The following LRRCC1 variants were observed in gnomAD, a reference collection of about 807,000 sequenced individuals.
The protein encoded by LRRCC1 is leucine rich repeat and coiled-coil centrosomal protein 1.
In LRRCC1, 115 loss-of-function variants were observed where a neutral mutation model predicts 126.0. The observed-to-expected ratio is 0.91, with a 90% CI of 0.78 to 1.07. The LOEUF (loss-of-function observed/expected upper bound fraction) is 1.07. Ranked by LOEUF, LRRCC1 falls within the 50% of genes least tolerant of loss-of-function variation. The probability of loss-of-function intolerance (pLI) is 0.00; values close to 1 mark genes in which losing one functional copy is unlikely to be tolerated. For missense variants in LRRCC1, 1,172 were observed against 1,175.7 expected, an observed-to-expected ratio of 1.00 and a Z score of 0.05; for synonymous variants, 400 against 393.4, an observed-to-expected ratio of 1.02 and a Z score of -0.20.
At chr8:85,139,973 A>AC (rs1811152103) in intron 17 of LRRCC1, among the ~76,000 whole-genome samples, 1 of 152,220 alleles carries the variant, frequency 6.6e-6, no homozygotes, top group African/African-American at 2.4e-5. Flanking sequence ...TCAACCAAGT[A>AC]CTAATACAAG....
At chr8:85,132,359 C>T (rs1283666640) in intron 12 of LRRCC1, among the ~76,000 whole-genome samples, 2 of 149,224 alleles carry the variant, frequency 1.3e-5, no homozygotes, top group Admixed American at 6.7e-5. Flanking sequence ...ATTACAAAAG[C>T]ACAGTTGAGT....
At chr8:85,132,363 G>A (rs1359735960) in intron 12 of LRRCC1, among the ~76,000 whole-genome samples, 1 of 142,440 alleles carries the variant, frequency 7.0e-6, no homozygotes, top group African/African-American at 2.6e-5. Context: ...CAAAAGCACA[G>A]TTGAGTACTT....
chr8:85,118,366 GTA>G (rs1809275490), intron 6 of LRRCC1, among the ~76,000 whole-genome samples: 1 of 151,984 alleles, frequency 6.6e-6, no homozygotes, highest in Non-Finnish European at 1.5e-5. Flanking sequence ...TTGTAAACAT[GTA>G]TCTTTGTTTC....
At chr8:85,144,937 G>A (rs1190215416) in intron 18 of LRRCC1, among the ~76,000 whole-genome samples, 4 of 149,914 alleles carry the variant, frequency 2.7e-5, no homozygotes, top group Non-Finnish European at 4.4e-5. Flanking sequence ...AAAGTTAGCC[G>A]GGCATGGTAG....
Position 85,145,934 on chromosome 8 carries a change from T to C in LRRCC1, c.*423T>C, listed in dbSNP as rs1456971102. 1 of 152,496 alleles carries C rather than the reference T, an allele frequency of 6.6e-6. No individual in the cohort carries two copies. The highest frequency in any genetic ancestry group is 1.5e-5 in the Non-Finnish European group (1 of 68,234). The allele number at this position is 152,496 out of a possible 1,614,324, so 9.4% of individuals were successfully genotyped here. ...GCTCAATTCTTTTAAAGTACTTATG[T>C]AGCCAAAAAGCATTTGAAATCTGTA... On this transcript the variant is annotated 3_prime_UTR_variant, in exon 19 of 19. Coordinates refer to ENST00000360375, the MANE Select transcript of LRRCC1 (RefSeq NM_033402.5).
At chr8:85,121,207 G>A (rs767442431) in intron 6 of LRRCC1, among the ~76,000 whole-genome samples, 1 of 152,144 alleles carries the variant, frequency 6.6e-6, no homozygotes, top group Non-Finnish European at 1.5e-5. Context: ...AATGGGTCTT[G>A]TGGACAGAAG....
At chr8:85,128,107 T>C (rs1587412134) in intron 9 of LRRCC1, among the ~76,000 whole-genome samples, 1 of 151,836 alleles carries the variant, frequency 6.6e-6, no homozygotes, top group African/African-American at 2.4e-5. Context: ...GTTGTAGGAG[T>C]TGTTTTTAAT....
chr8:85,107,533 G>C (rs1298454444), intron 1 of LRRCC1, 134 bp downstream of exon 1: 4 of 737,196 alleles, frequency 5.4e-6, no homozygotes, highest in East Asian at 5.6e-5. Context: ...TCTGGCTTTC[G>C]GCCTCCCCGC....
At chr8:85,138,898 T>C (rs1811058636) in intron 17 of LRRCC1, among the ~76,000 whole-genome samples, 1 of 151,808 alleles carries the variant, frequency 6.6e-6, no homozygotes, top group African/African-American at 2.4e-5. Flanking sequence ...TAGAAAAAAT[T>C]AGCCAGGCGT....
chr8:85,144,472 A>T (rs1251317784), intron 18 of LRRCC1, among the ~76,000 whole-genome samples: 3,588 of 29,674 alleles, frequency 0.12, 80 homozygotes, highest in African/African-American at 0.21. Context: ...ATATATATAT[A>T]TATTTTTTTT....
At chr8:85,136,991 A>G (rs988726908) in intron 14 of LRRCC1, among the ~76,000 whole-genome samples, 18 of 151,452 alleles carry the variant, frequency 1.2e-4, no homozygotes, top group African/African-American at 3.9e-4. Context: ...TGCCCGGCTA[A>G]TTTTTTTGTA....
At chr8:85,116,163 T>C (rs548169369) in intron 6 of LRRCC1, among the ~76,000 whole-genome samples, 1 of 152,328 alleles carries the variant, frequency 6.6e-6, no homozygotes, top group East Asian at 1.9e-4. Context: ...TAGAATTTAC[T>C]GCTATTCAGG....
At chr8:85,109,562 A>C in intron 1 of LRRCC1, 33 bp from the exon 2 acceptor site, 1 of 1,291,708 alleles carries the variant, frequency 7.7e-7, no homozygotes, top group Non-Finnish European at 1.1e-6. Flanking sequence ...TGCTTTTAAA[A>C]TCTATTTTTA....
At chr8:85,113,551 T>C (rs1405243732) in intron 4 of LRRCC1, among the ~76,000 whole-genome samples, 2 of 152,042 alleles carry the variant, frequency 1.3e-5, no homozygotes, top group Non-Finnish European at 1.5e-5. Context: ...TACATACATA[T>C]ATATGTATGC....
chr8:85,145,057 G>A (rs1010074732), intron 18 of LRRCC1, among the ~76,000 whole-genome samples: 2 of 149,924 alleles, frequency 1.3e-5, no homozygotes, highest in East Asian at 2.0e-4. Context: ...TCCAGCCTGG[G>A]CGACAGAGCA....
At chr8:85,134,020 A>G (rs569730112) in intron 12 of LRRCC1, among the ~76,000 whole-genome samples, 21 of 152,126 alleles carry the variant, frequency 1.4e-4, no homozygotes, top group Non-Finnish European at 8.8e-5. Context: ...CCTTCTTCCT[A>G]TTCCTCCAAT....
In LRRCC1 at chr8:85,145,392, C is replaced by T; in HGVS notation, c.2980C>T (p.His994Tyr). 1.3e-6 allele frequency: 2 copies of T among 1,519,282 alleles called. No homozygotes were observed. The highest frequency in any genetic ancestry group is 2.5e-5 in the East Asian group (1 of 39,996). 94.1% of individuals were successfully genotyped at this position (1,519,282 alleles called of 1,614,324 possible). The change falls in exon 19 of 19, where the codon CAT (histidine) becomes TAT (tyrosine). Residue 994 changes from histidine to tyrosine, a missense_variant. Coordinates refer to ENST00000360375, the MANE Select transcript of LRRCC1 (RefSeq NM_033402.5). ...TAAAATTTACATGTCGATTTAGGTC[C>T]ATCAAATTGAAAAAGAAATGCGTGA... ...KCIDSANLKV[H>Y]QIEKEMRELL... is the part of the protein sequence containing the mutation.
In LRRCC1 at chr8:85,124,953, G is replaced by A. The variant is rs1468772137; in HGVS notation, c.1272+14G>A. The A allele has an allele frequency of 1.9e-5, 29 of 1,554,478 alleles. No individual in the cohort carries two copies. The highest frequency in any genetic ancestry group is 4.3e-5 in the Admixed American group (2 of 46,802). ...AACACTTACCAGGTATGATTTAAGA[G>A]TTAAAGAAAAAATGAGTATGAATAA... is the stretch of plus-strand genomic sequence containing the variant. On this transcript the variant is annotated intron_variant, in intron 8 of 18. Transcript: ENST00000360375.
chr8:85,110,117 C>A lies in LRRCC1; in HGVS notation c.313C>A (p.Leu105Ile). 4 of 1,176,434 alleles carry A rather than the reference C, an allele frequency of 3.4e-6. No homozygotes were observed. The highest frequency in any genetic ancestry group is 4.8e-6 in the Non-Finnish European group (4 of 833,240). 72.9% of individuals were successfully genotyped at this position (1,176,434 alleles called of 1,614,324 possible). Reference sequence around the variant, plus strand: ...TTTATTTTACTTTTTTTTTTTAGGACTTGAAGAACTAATTAATCTGACTAG... The same window carrying A: ...TTTATTTTACTTTTTTTTTTTAGGAATTGAAGAACTAATTAATCTGACTAG... ...SCNLITKVEG[L>I]EELINLTRLN... Residue 105 changes from leucine (L) to isoleucine (I), a missense_variant and splice_region_variant, in exon 3 of 19, where the codon CTT (leucine) becomes ATT (isoleucine). By Grantham distance (5) the Leu-to-Ile change is conservative. Coordinates refer to ENST00000360375, the MANE Select transcript of LRRCC1 (RefSeq NM_033402.5).
Sources: gnomAD v4.1 joint callset for allele counts (sites outside exome capture counted in the v4.1 genomes callset) on GRCh38, gnomAD v4.1.1 for gene constraint, MANE v1.5 for transcripts, NCBI Gene and HGNC (gene_info 2026-07-23, HGNC 2026-07-21) for gene names.